The following MECOM variants were observed in gnomAD, a reference collection of about 807,000 sequenced individuals.
MECOM encodes the protein histone-lysine N-methyltransferase MECOM.
In MECOM, 13 loss-of-function variants were observed where a neutral mutation model predicts 116.3. The observed-to-expected ratio is 0.11, with a 90% confidence interval of 0.07 to 0.18. The LOEUF is 0.18. Among genes scored for constraint, MECOM ranks in the 10% least tolerant of loss-of-function variants. The probability of loss-of-function intolerance (pLI) is 1.00; values close to 1 mark genes in which losing one functional copy is unlikely to be tolerated. For synonymous variants in MECOM, 528 were observed against 535.2 expected, an observed-to-expected ratio of 0.99 and a Z score of 0.19; for missense variants, 1,299 against 1,509.0, an observed-to-expected ratio of 0.86 and a Z score of 2.31.
intron 2 of MECOM, among the ~76,000 whole-genome samples, chr3:169,270,754 A>G (rs1758843110): frequency 6.6e-6 from 1 of 152,160 alleles, no homozygotes; most frequent in Non-Finnish European, 1.5e-5. Flanking sequence ...AGAGGGAAAA[A>G]TAAGTAAATT....
intron 1 of MECOM, among the ~76,000 whole-genome samples, chr3:169,616,415 G>C (rs1770013011): frequency 6.6e-6 from 1 of 152,118 alleles, no homozygotes; most frequent in South Asian, 2.1e-4. Flanking sequence ...GCACGATCTT[G>C]GTTCACTGCA....
chr3:169,088,913 A>T, intron 16 of MECOM, 87 bp downstream of exon 16: 1 of 1,157,210 alleles, frequency 8.6e-7, no homozygotes, highest in East Asian at 2.8e-5. Flanking sequence ...TATTTCAAAG[A>T]TAGAATATTT....
At chr3:169,507,980 A>G (rs1755494641) in intron 1 of MECOM, among the ~76,000 whole-genome samples, 1 of 152,076 alleles carries the variant, frequency 6.6e-6, no homozygotes, top group African/African-American at 2.4e-5. Context: ...ATTTCTTAAT[A>G]CGTAACCATG....
intron 1 of MECOM, chr3:169,473,111 A>G: frequency 5.6e-6 from 1 of 179,892 alleles, no homozygotes; most frequent in Non-Finnish European, 1.1e-5. Flanking sequence ...CCTGTGAGAG[A>G]ATCAAAAGTA....
At chr3:169,442,692 T>C (rs1183438621) in intron 1 of MECOM, among the ~76,000 whole-genome samples, 2 of 152,126 alleles carry the variant, frequency 1.3e-5, no homozygotes, top group Non-Finnish European at 2.9e-5. Flanking sequence ...TAAGAAGAGT[T>C]TTCTAAAAGT....
chr3:169,128,772 A>G (rs1027965067), intron 4 of MECOM, among the ~76,000 whole-genome samples: 1 of 152,184 alleles, frequency 6.6e-6, no homozygotes, highest in Non-Finnish European at 1.5e-5. Context: ...CATATCATTA[A>G]TTTGCACTTT....
rs139032165 is a variant in MECOM at position 169,253,071 on chromosome 3, T to C, written c.376-109239A>G. Among the ~76,000 whole-genome samples the C allele has an allele frequency of 2.7e-3, 404 of 152,278 alleles. 2 individuals carry two copies. The highest frequency in any genetic ancestry group is 4.6e-3 in the Non-Finnish European group (316 of 67,996). On this transcript the variant is annotated intron_variant, in intron 2 of 16. Coordinates refer to ENST00000651503, the MANE Select transcript of MECOM (RefSeq NM_004991.4). The stretch of plus-strand genomic sequence containing the variant: ...AAGCTCTGGATTTTTAGCTATTTTT[T>C]AAAATTAGGAGTTCTTAGCTTCCTC...
At chr3:169,236,328 C>G (rs1373320076) in intron 2 of MECOM, among the ~76,000 whole-genome samples, 2 of 152,222 alleles carry the variant, frequency 1.3e-5, no homozygotes, top group African/African-American at 4.8e-5. Context: ...CATGATATTT[C>G]AAAAAGCAAC....
chr3:169,302,781 T>G (rs1419029527), intron 2 of MECOM, among the ~76,000 whole-genome samples: 4 of 151,822 alleles, frequency 2.6e-5, no homozygotes, highest in East Asian at 3.9e-4. Context: ...GGAGAATCAG[T>G]TGAACCCAGG....
chr3:169,533,580 T>C (rs1758928626), intron 1 of MECOM, among the ~76,000 whole-genome samples: 1 of 119,360 alleles, frequency 8.4e-6, no homozygotes, highest in Admixed American at 7.6e-5. Flanking sequence ...GTGCTGATTT[T>C]TTTTTTTTTT....
rs746933776 is a variant in MECOM, at chr3:169,116,510, C to T, written c.1362G>A (p.Thr454=). ...SLPGTPAMDK[T]SMVNMSHANP... is the part of the protein sequence containing the mutation. ...TGGCATGACTCATATTAACCATGGACGTTTTATCCATAGCTGGGGTTCCAG... is the reference window on the plus strand; with the variant it reads ...TGGCATGACTCATATTAACCATGGATGTTTTATCCATAGCTGGGGTTCCAG... The change falls in exon 8 of 17, where the codon ACG becomes ACA. Residue 454 remains threonine (T), a synonymous_variant. Coordinates refer to ENST00000651503, the MANE Select transcript of MECOM (RefSeq NM_004991.4). The T allele has an allele frequency of 2.9e-5, 46 of 1,614,002 alleles. No individual in the cohort carries two copies. Among genetic ancestry groups the T allele is most frequent in the Middle Eastern group, 1.6e-4 (1 of 6,084 alleles).
chr3:169,212,632 CAATGTATA>C (rs1231532047), intron 2 of MECOM, among the ~76,000 whole-genome samples: 8 of 55,472 alleles, frequency 1.4e-4, no homozygotes, highest in Non-Finnish European at 2.7e-4. Flanking sequence ...TTCTAGTCAG[CAATGTATA>C]TATATATATA....
intron 1 of MECOM, among the ~76,000 whole-genome samples, chr3:169,592,180 A>T (rs1766503360): frequency 1.3e-5 from 2 of 152,050 alleles, no homozygotes; most frequent in South Asian, 2.1e-4. Context: ...CAAACACACC[A>T]CTAGAAACCC....
At chr3:169,283,320 T>G (rs920843354) in intron 2 of MECOM, among the ~76,000 whole-genome samples, 1 of 151,900 alleles carries the variant, frequency 6.6e-6, no homozygotes, top group African/African-American at 2.4e-5. Context: ...CTGGGCAATA[T>G]AGTGAGACCT....
intron 2 of MECOM, among the ~76,000 whole-genome samples, chr3:169,254,979 G>A (rs1756690122): frequency 6.6e-6 from 1 of 152,050 alleles, no homozygotes; most frequent in South Asian, 2.1e-4. Context: ...CATGGAGCAT[G>A]GCCACCACTT....
intron 1 of MECOM, among the ~76,000 whole-genome samples, chr3:169,602,229 C>T (rs1767921605): frequency 6.6e-6 from 1 of 152,200 alleles, no homozygotes; most frequent in Non-Finnish European, 1.5e-5. Context: ...GAGTAGCCAG[C>T]AGCCAACTTT....
intron 2 of MECOM, among the ~76,000 whole-genome samples, chr3:169,191,786 GAAAGAA>G (rs1559974140): frequency 1.4e-5 from 2 of 147,936 alleles, no homozygotes; most frequent in Non-Finnish European, 3.0e-5. Flanking sequence ...AAGAAAGAAA[GAAAGAA>G]AGGGAGGGAA....
At chr3:169,532,523 G>A (rs1283752592) in intron 1 of MECOM, among the ~76,000 whole-genome samples, 1 of 152,192 alleles carries the variant, frequency 6.6e-6, no homozygotes, top group Non-Finnish European at 1.5e-5. Flanking sequence ...TGAGCACTTT[G>A]TCTAAGACCC....
At chr3:169,360,317 A>C (rs2807885) in intron 2 of MECOM, among the ~76,000 whole-genome samples, 10 of 90,968 alleles carry the variant, frequency 1.1e-4, no homozygotes, top group East Asian at 4.0e-4. Flanking sequence ...AAAAAGTTAC[A>C]CCAAAAAAAA....
Sources: gnomAD v4.1 joint callset for allele counts (sites outside exome capture counted in the v4.1 genomes callset) on GRCh38, gnomAD v4.1.1 for gene constraint, MANE v1.5 for transcripts, NCBI Gene and HGNC (gene_info 2026-07-23, HGNC 2026-07-21) for gene names.